The following ERC2 variants were observed in gnomAD, a reference collection of about 807,000 sequenced individuals.
ERC2 encodes ERC protein 2.
A neutral mutation model predicts 114.8 loss-of-function variants in ERC2; 42 were observed. That is an observed-to-expected ratio of 0.37 (90% CI 0.29 to 0.47). The LOEUF (loss-of-function observed/expected upper bound fraction) is 0.47, where lower values mean the gene tolerates loss of function less well. Among genes scored for constraint, ERC2 ranks in the 20% least tolerant of loss-of-function variants. The pLI is 0.99. For synonymous variants in ERC2, 454 were observed against 425.5 expected (o/e 1.07, Z -0.82); for missense variants, 939 against 1,150.7 (o/e 0.82, Z 2.66).
chr3:55,576,087 G>T (rs1350557215), intron 17 of ERC2, among the ~76,000 whole-genome samples: 2 of 152,046 alleles, frequency 1.3e-5, no homozygotes, highest in African/African-American at 4.8e-5. Flanking sequence ...GAGGTGGGTG[G>T]ATCACCTGAG....
At chr3:55,755,883 T>A (rs1428904448) in intron 14 of ERC2, among the ~76,000 whole-genome samples, 1 of 152,150 alleles carries the variant, frequency 6.6e-6, no homozygotes, top group African/African-American at 2.4e-5. Flanking sequence ...CCAATTTCAA[T>A]CTTTTGAAAC....
chr3:56,140,274 A>T (rs2080774968), intron 5 of ERC2, among the ~76,000 whole-genome samples: 1 of 152,062 alleles, frequency 6.6e-6, no homozygotes, highest in South Asian at 2.1e-4. Flanking sequence ...GTCCTATCCC[A>T]TTTCTATCTC....
At chr3:56,329,838 T>C (rs936406012) in intron 2 of ERC2, among the ~76,000 whole-genome samples, 2 of 151,492 alleles carry the variant, frequency 1.3e-5, no homozygotes, top group Non-Finnish European at 2.9e-5. Flanking sequence ...CATATATATA[T>C]TTCCACTATA....
intron 6 of ERC2, among the ~76,000 whole-genome samples, chr3:56,091,484 T>C (rs904551232): frequency 1.3e-5 from 2 of 152,146 alleles, no homozygotes; most frequent in East Asian, 1.9e-4. Flanking sequence ...CAAATGGCTA[T>C]ATGATTTGGA....
intron 17 of ERC2, among the ~76,000 whole-genome samples, chr3:55,610,079 A>AC (rs2058834775): frequency 6.6e-6 from 1 of 151,776 alleles, no homozygotes; most frequent in South Asian, 2.1e-4. Flanking sequence ...AAAAAAAAAA[A>AC]AAAAACAAGA....
Position 56,084,029 on chromosome 3 carries a change from A to G in ERC2, c.1474-3045T>C, listed in dbSNP as rs535262248. Among the ~76,000 whole-genome samples the G allele has an allele frequency of 1.8e-4, 27 of 152,298 alleles. No individual in the cohort carries two copies. The East Asian group carries it at 5.0e-3, about 28-fold the overall frequency. ...TGAATGGAAAGAAAAAAAAAGAATA[A>G]AGAAATCAAAAACAAAAATGATACA... On this transcript the variant is annotated intron_variant, in intron 6 of 17. Coordinates refer to ENST00000288221, the MANE Select transcript of ERC2 (RefSeq NM_015576.3).
At chr3:56,445,931 A>G (rs559962473) in intron 1 of ERC2, among the ~76,000 whole-genome samples, 13 of 151,910 alleles carry the variant, frequency 8.6e-5, no homozygotes, top group Non-Finnish European at 1.6e-4. Flanking sequence ...TGTGAAAGAC[A>G]TGCTATCTTT....
chr3:55,934,964 A>G (rs933475789), intron 13 of ERC2, among the ~76,000 whole-genome samples: 2 of 152,212 alleles, frequency 1.3e-5, no homozygotes, highest in Admixed American at 6.5e-5. Flanking sequence ...GACTGTTCCC[A>G]TCTCTGTGCA....
intron 4 of ERC2, among the ~76,000 whole-genome samples, chr3:56,154,888 CCTA>C (rs1162314897): frequency 4.6e-5 from 7 of 152,174 alleles, no homozygotes; most frequent in Admixed American, 1.3e-4. Flanking sequence ...GTAGTAAGTC[CCTA>C]CTAATTCCCC....
intron 6 of ERC2, among the ~76,000 whole-genome samples, chr3:56,112,793 A>T (rs976450160): frequency 7.9e-5 from 12 of 152,282 alleles, no homozygotes; most frequent in Admixed American, 3.9e-4. Context: ...CGAAGAGAGG[A>T]GGAGCCAGTC....
chr3:55,868,528 C>A (rs147169001), intron 14 of ERC2, among the ~76,000 whole-genome samples: 1,625 of 152,318 alleles, frequency 0.011, 14 homozygotes, highest in Middle Eastern at 0.037. Context: ...AGCTGGCTCT[C>A]CCTCCCTCCC....
intron 10 of ERC2, among the ~76,000 whole-genome samples, chr3:55,999,036 C>T (rs1158346063): frequency 8.6e-5 from 11 of 127,402 alleles, no homozygotes. Context: ...ATTGAGGGAC[C>T]CAGAAGGTCT....
chr3:56,360,728 T>C (rs1057177762), intron 2 of ERC2, among the ~76,000 whole-genome samples: 1 of 151,916 alleles, frequency 6.6e-6, no homozygotes, highest in African/African-American at 2.4e-5. Flanking sequence ...GCCAACATGG[T>C]GAAACCCCAT....
intron 3 of ERC2, among the ~76,000 whole-genome samples, chr3:56,210,692 T>A (rs1055296934): frequency 2.0e-5 from 3 of 152,236 alleles, no homozygotes; most frequent in African/African-American, 7.2e-5. Flanking sequence ...TGTCTCATCT[T>A]TCAGATCTGC....
chr3:55,609,197 C>T (rs1184271261), intron 17 of ERC2, among the ~76,000 whole-genome samples: 2 of 152,158 alleles, frequency 1.3e-5, no homozygotes, highest in Non-Finnish European at 2.9e-5. Context: ...TGTGTGGGTG[C>T]CTCTCTTACC....
rs34883402 is a variant in ERC2 at position 56,420,177 on chromosome 3, C to CTTTT, written c.657+14170_657+14173dup. 1.7e-3 allele frequency among the ~76,000 whole-genome samples: 123 copies of CTTTT among 72,286 alleles called. 1 individual carries two copies. Among genetic ancestry groups the CTTTT allele is most frequent in the Admixed American group, 2.5e-3 (11 of 4,460 alleles). The allele number at this position is 72,286 out of a possible 152,430, so 47.4% of individuals were successfully genotyped here. A position where few individuals can be genotyped will look rare whatever the true frequency, so the allele number is the denominator to read the frequency against. ...CGTTTTTAGAACTTAAGTGGTTATACTTTTTTTTTTTTTTTTTTTTTTTTG... is the reference window on the plus strand; with the variant it reads ...CGTTTTTAGAACTTAAGTGGTTATACTTTTTTTTTTTTTTTTTTTTTTTTTTTTG... On this transcript the variant is annotated intron_variant, in intron 2 of 17. Transcript: ENST00000288221.
rs150419544 is a variant in ERC2, at chr3:56,190,343, T to C, written c.1075-16823A>G. Among the ~76,000 whole-genome samples, 534 of 152,238 alleles carry C rather than the reference T, an allele frequency of 3.5e-3. 2 individuals are homozygous for C. The highest frequency in any genetic ancestry group is 0.012 in the African/African-American group (506 of 41,544). ...GGGGATGACAGCTGCAACCACCTCA[T>C]TGAGTTGTGAGAATGAAGTGGTTAC... On this transcript the variant is annotated intron_variant, in intron 3 of 17. Transcript: ENST00000288221.
chr3:56,371,386 G>A (rs2059357736), intron 2 of ERC2, among the ~76,000 whole-genome samples: 1 of 152,112 alleles, frequency 6.6e-6, no homozygotes, highest in Non-Finnish European at 1.5e-5. Flanking sequence ...CAATCAAAAG[G>A]ATATATATAC....
intron 14 of ERC2, among the ~76,000 whole-genome samples, chr3:55,883,125 A>T (rs923136118): frequency 2.0e-5 from 3 of 152,220 alleles, no homozygotes; most frequent in African/African-American, 7.2e-5. Context: ...ATATTTATAC[A>T]TTTTTTAACT....
Sources: gnomAD v4.1 joint callset for allele counts (sites outside exome capture counted in the v4.1 genomes callset) on GRCh38, gnomAD v4.1.1 for gene constraint, MANE v1.5 for transcripts, NCBI Gene and HGNC (gene_info 2026-07-23, HGNC 2026-07-21) for gene names.